FSTL5: variants seen among roughly 807,000 people sequenced by gnomAD.
The protein encoded by FSTL5 is follistatin-related protein 5.
A neutral mutation model predicts 89.1 loss-of-function variants in FSTL5; 62 were observed. The ratio of observed to expected loss-of-function variants is 0.70; its 90% CI spans 0.57 to 0.86. The LOEUF (loss-of-function observed/expected upper bound fraction) is 0.86, where lower values mean the gene tolerates loss of function less well. Ranked by LOEUF, FSTL5 falls within the 40% of genes least tolerant of loss-of-function variation. The pLI, the probability that FSTL5 is intolerant of heterozygous loss-of-function variation, is 0.00. For missense variants in FSTL5, 1,057 were observed against 1,001.6 expected (o/e 1.06, Z -0.75); for synonymous variants, 383 against 346.2 (o/e 1.11, Z -1.18).
chr4:162,030,657 G>C (rs1265878849), intron 3 of FSTL5, among the ~76,000 whole-genome samples: 1 of 152,136 alleles, frequency 6.6e-6, no homozygotes, highest in Non-Finnish European at 1.5e-5. Context: ...AAGAGTGCAA[G>C]AGCACAGGCA....
intron 9 of FSTL5, among the ~76,000 whole-genome samples, chr4:161,539,417 A>G (rs763360670): frequency 7.9e-5 from 12 of 152,116 alleles, no homozygotes; most frequent in South Asian, 2.1e-4. Flanking sequence ...CAGGCAGTGG[A>G]TGTGGATGTT....
intron 4 of FSTL5, among the ~76,000 whole-genome samples, chr4:161,878,680 A>G (rs574809509): frequency 3.2e-4 from 48 of 152,140 alleles, no homozygotes; most frequent in Admixed American, 1.5e-3. Context: ...ATAAAATAGA[A>G]TATCCCTAGT....
At chr4:161,534,370 C>T (rs1245875229) in intron 10 of FSTL5, among the ~76,000 whole-genome samples, 3 of 152,022 alleles carry the variant, frequency 2.0e-5, no homozygotes, top group Non-Finnish European at 2.9e-5. Context: ...CTGACAAATT[C>T]AGCAAAGTTT....
chr4:161,836,872 G>T (rs569475754), intron 4 of FSTL5, among the ~76,000 whole-genome samples: 1 of 152,184 alleles, frequency 6.6e-6, no homozygotes, highest in African/African-American at 2.4e-5. Flanking sequence ...CTTATTTTAT[G>T]ATTTGAATAA....
chr4:162,130,246 A>AC (rs576964755), intron 1 of FSTL5, among the ~76,000 whole-genome samples: 365 of 152,268 alleles, frequency 2.4e-3, no homozygotes, highest in African/African-American at 7.9e-3. Context: ...ATATTCCTAA[A>AC]CCCGTAGGTT....
At chr4:161,608,600 T>A (rs1734535841) in intron 7 of FSTL5, among the ~76,000 whole-genome samples, 1 of 151,878 alleles carries the variant, frequency 6.6e-6, no homozygotes, top group Non-Finnish European at 1.5e-5. Flanking sequence ...CAAAAAACGA[T>A]AAAGAAAAAT....
intron 3 of FSTL5, among the ~76,000 whole-genome samples, chr4:161,923,708 G>T (rs555513796): frequency 3.3e-5 from 5 of 151,572 alleles, no homozygotes; most frequent in African/African-American, 9.7e-5. Flanking sequence ...ATTTTTAGGG[G>T]AATGCTCTCC....
chr4:161,759,070 T>A, intron 6 of FSTL5, among the ~76,000 whole-genome samples: 1 of 152,112 alleles, frequency 6.6e-6, no homozygotes, highest in East Asian at 1.9e-4. Context: ...AATATTTGAG[T>A]GTGTAAATAA....
chr4:161,924,433 A>G lies in FSTL5; in HGVS notation c.161-3781T>C, dbSNP rs1399144910. Among the ~76,000 whole-genome samples the G allele has an allele frequency of 3.3e-5, 5 of 151,364 alleles. 1 individual carries two copies. The South Asian group carries it at 1.0e-3, about 31-fold the overall frequency. ...GCTGATACTTATAGAGTGTATCTAA[A>G]TTGAAATAAACTTTAATTTTAATAA... On this transcript the variant is annotated intron_variant, in intron 3 of 15. Transcript: ENST00000306100.
chr4:162,012,614 G>T (rs77359350), intron 3 of FSTL5, among the ~76,000 whole-genome samples: 1 of 151,934 alleles, frequency 6.6e-6, no homozygotes, highest in Non-Finnish European at 1.5e-5. Flanking sequence ...CCTGCCAAAT[G>T]ATTTTTGGTA....
rs907850986 is a variant in FSTL5 at position 161,651,333 on chromosome 4, A to G, written c.894+4995T>C. ...GATTCCTAAACCTTCCTTGAATTGA[A>G]AAAAAAAAAAAAAGAAATTCTTCCA... On this transcript the variant is annotated intron_variant, in intron 7 of 15. Transcript: ENST00000306100. 4.1e-3 allele frequency among the ~76,000 whole-genome samples: 379 copies of G among 92,090 alleles called. 3 individuals carry two copies. Among genetic ancestry groups the G allele is most frequent in the African/African-American group, 0.011 (371 of 34,018 alleles). The allele number at this position is 92,090 out of a possible 152,430, so 60.4% of individuals were successfully genotyped here. A position where few individuals can be genotyped will look rare whatever the true frequency, so the allele number is the denominator to read the frequency against.
chr4:161,822,650 CCA>C (rs1730527044), intron 4 of FSTL5, among the ~76,000 whole-genome samples: 1 of 152,208 alleles, frequency 6.6e-6, no homozygotes, highest in East Asian at 1.9e-4. Flanking sequence ...CCCCAAAGGG[CCA>C]TGGCTCTTCT....
At chr4:162,020,768 T>C (rs893501050) in intron 3 of FSTL5, among the ~76,000 whole-genome samples, 4 of 152,052 alleles carry the variant, frequency 2.6e-5, no homozygotes, top group Non-Finnish European at 5.9e-5. Flanking sequence ...TTACTTATTA[T>C]TTAATTAAAA....
chr4:161,852,627 A>G (rs1465216392), intron 4 of FSTL5, among the ~76,000 whole-genome samples: 2 of 152,206 alleles, frequency 1.3e-5, no homozygotes, highest in Non-Finnish European at 2.9e-5. Context: ...ACTCAAAAGA[A>G]TATAAATCAT....
At chr4:161,921,653 AAT>A (rs1733999867) in intron 3 of FSTL5, among the ~76,000 whole-genome samples, 1 of 152,118 alleles carries the variant, frequency 6.6e-6, no homozygotes. Flanking sequence ...AGTATGTATT[AAT>A]ATTCTCAGCT....
At chr4:161,823,606 T>G (rs1730568758) in intron 4 of FSTL5, among the ~76,000 whole-genome samples, 1 of 152,132 alleles carries the variant, frequency 6.6e-6, no homozygotes, top group African/African-American at 2.4e-5. Flanking sequence ...TGCAGGGATG[T>G]CCAAGTCTGG....
rs531215999 is a variant in FSTL5, at chr4:162,051,293, G to GAATT, written c.127-17636_127-17635insAATT. On this transcript the variant is annotated intron_variant, in intron 2 of 15. Transcript: ENST00000306100. ...ATCATCTAATAAGAGATTTAACACT[G>GAATT]AATATATAAGTTAATTATATAAATT... Among the ~76,000 whole-genome samples the GAATT allele has an allele frequency of 2.3e-3, 350 of 151,408 alleles. 2 individuals are homozygous for GAATT. Among genetic ancestry groups the GAATT allele is most frequent in the African/African-American group, 7.7e-3 (318 of 41,430 alleles).
intron 2 of FSTL5, among the ~76,000 whole-genome samples, chr4:162,101,245 A>C (rs899236490): frequency 1.3e-5 from 2 of 152,208 alleles, no homozygotes; most frequent in Admixed American, 1.3e-4. Flanking sequence ...ATAAGGTTTT[A>C]AGGTATGTTT....
chr4:161,732,480 A>G (rs1466299335), intron 6 of FSTL5, among the ~76,000 whole-genome samples: 1 of 151,994 alleles, frequency 6.6e-6, no homozygotes, highest in Non-Finnish European at 1.5e-5. Context: ...CTTTTCAATA[A>G]ACAAGTTTTA....
Sources: gnomAD v4.1 joint callset for allele counts (sites outside exome capture counted in the v4.1 genomes callset) on GRCh38, gnomAD v4.1.1 for gene constraint, MANE v1.5 for transcripts, NCBI Gene and HGNC (gene_info 2026-07-23, HGNC 2026-07-21) for gene names.